SANBR: variants seen among roughly 807,000 people sequenced by gnomAD.
SANBR encodes SANT and BTB domain regulator of class switch recombination.
In SANBR, 77 loss-of-function variants were observed where a neutral mutation model predicts 101.8. That is an observed-to-expected ratio of 0.76 (90% CI 0.63 to 0.91). SANBR has a LOEUF of 0.91. SANBR is among the 40% of genes least tolerant of loss of function. SANBR has a pLI of 0.00. For synonymous variants in SANBR, 279 were observed against 274.7 expected (o/e 1.02, Z -0.15); for missense variants, 875 against 853.0 (o/e 1.03, Z -0.32).
intron 4 of SANBR, among the ~76,000 whole-genome samples, chr2:61,072,355 T>C (rs1194588023): frequency 6.6e-6 from 1 of 152,002 alleles, no homozygotes; most frequent in Non-Finnish European, 1.5e-5. Context: ...AAGGATCACT[T>C]GAGGCCAGGA....
chr2:61,118,908 C>T (rs935938663), intron 20 of SANBR, among the ~76,000 whole-genome samples: 9 of 152,052 alleles, frequency 5.9e-5, no homozygotes, highest in Non-Finnish European at 1.0e-4. Flanking sequence ...TGTTTATTCA[C>T]GTAAAAGTTT....
chr2:61,110,249 A>G (rs906952282), intron 16 of SANBR, among the ~76,000 whole-genome samples: 1 of 152,148 alleles, frequency 6.6e-6, no homozygotes. Context: ...CTACTTTTGA[A>G]AAAAGAATGT....
chr2:61,077,976 C>T (rs1302917442), intron 6 of SANBR, among the ~76,000 whole-genome samples: 1 of 152,218 alleles, frequency 6.6e-6, no homozygotes, highest in Non-Finnish European at 1.5e-5. Context: ...GTGAGAATTA[C>T]AGTTTTGGAA....
Position 61,070,377 on chromosome 2 carries a change from C to A in SANBR, c.27C>A (p.Asn9Lys). 1 of 1,590,682 alleles carries A rather than the reference C, an allele frequency of 6.3e-7. No homozygotes were observed. The highest frequency in any genetic ancestry group is 1.8e-5 in the Admixed American group (1 of 54,978). Residue 9 changes from asparagine (N) to lysine (K), a missense_variant, in exon 3 of 22, where the codon AAC becomes AAA. By Grantham distance (94) the Asn-to-Lys change is moderately conservative. Coordinates refer to ENST00000402291, the MANE Select transcript of SANBR (RefSeq NM_001129993.3). MSRGYSEN[N>K]NFLNNNNQMV... Reference sequence around the variant, plus strand: ...TGAGTCGTGGATATTCAGAAAACAACAATTTCCTGAACAATAATAACCAAA... The same window carrying A: ...TGAGTCGTGGATATTCAGAAAACAAAAATTTCCTGAACAATAATAACCAAA...
chr2:61,090,718 T>TTGTGTG (rs58195165), intron 10 of SANBR: 4,379 of 143,154 alleles, frequency 0.031, 100 homozygotes, highest in Non-Finnish European at 0.044. Context: ...GGCACAGGGT[T>TTGTGTG]TGTGTGTGTG....
rs144241975 is a variant in SANBR at position 61,083,281 on chromosome 2, A to G, written c.857A>G (p.Asp286Gly). 3.7e-6 allele frequency: 6 copies of G among 1,609,066 alleles called. No homozygotes were observed. The African/African-American group carries it at 8.0e-5, about 22-fold the overall frequency. Residue 286 changes from aspartate (D) to glycine (G), a missense_variant, in exon 8 of 22, where the codon GAT (aspartate) becomes GGT (glycine). Transcript: ENST00000402291. ...GATCTGTTCTCACACAATGAAGTTG[A>G]TGATTTAAAGGACAAAAAAGATAAA... Reference protein sequence around the residue: ...IADLFSHNEVDDLKDKKDKFK... With the variant: ...IADLFSHNEVGDLKDKKDKFK...
At chr2:61,074,170 T>A (rs2104851041) in intron 5 of SANBR, among the ~76,000 whole-genome samples, 1 of 152,348 alleles carries the variant, frequency 6.6e-6, no homozygotes, top group East Asian at 1.9e-4. Flanking sequence ...TCTTACTTTT[T>A]ATAGATTTTC....
intron 16 of SANBR, among the ~76,000 whole-genome samples, chr2:61,111,254 G>A (rs1451587964): frequency 2.0e-5 from 3 of 152,068 alleles, no homozygotes; most frequent in Non-Finnish European, 4.4e-5. Flanking sequence ...TTAGCCAGGC[G>A]TGGTGGCGGG....
intron 12 of SANBR, 46 bp downstream of exon 12, chr2:61,097,898 A>G (rs763747228): frequency 8.6e-6 from 13 of 1,504,360 alleles, no homozygotes; most frequent in South Asian, 1.2e-5. Flanking sequence ...TTTAAAGTAT[A>G]ACAGTAATAC....
Position 61,117,478 on chromosome 2 carries a change from A to G in SANBR, c.1877A>G (p.Gln626Arg). The G allele has an allele frequency of 6.2e-7, 1 of 1,613,900 alleles. No individual in the cohort carries two copies. Among genetic ancestry groups the G allele is most frequent in the Non-Finnish European group, 8.5e-7 (1 of 1,179,880 alleles). Residue 626 changes from glutamine to arginine, a missense_variant, in exon 19 of 22, where the codon CAG (glutamine) becomes CGG (arginine). Gln to Arg is a conservative substitution (Grantham distance 43, BLOSUM62 1). Coordinates refer to ENST00000402291, the MANE Select transcript of SANBR (RefSeq NM_001129993.3). Reference protein sequence around the residue: ...RDVSPFVMSMQKNKWDATRSL... With the variant: ...RDVSPFVMSMRKNKWDATRSL... Reference sequence around the variant, plus strand: ...AATTTTTTCAATAGTATGAGTATGCAGAAGAATAAGTGGGATGCCACAAGA... The same window carrying G: ...AATTTTTTCAATAGTATGAGTATGCGGAAGAATAAGTGGGATGCCACAAGA...
intron 8 of SANBR, among the ~76,000 whole-genome samples, chr2:61,084,165 C>A (rs770920215): frequency 6.6e-6 from 1 of 152,048 alleles, no homozygotes; most frequent in Non-Finnish European, 1.5e-5. Context: ...CGTTGCCCAG[C>A]CTGGTCTTGA....
rs35795015 is a variant in SANBR at position 61,102,365 on chromosome 2, CAAAAAAAAAA to C, written c.1366-1470_1366-1461del. ...CTAGCAACAGAGCAAGACTGTGTCT[CAAAAAAAAAA>C]AAAAAAAAAAAAAAAAATTGGAGAA... On this transcript the variant is annotated intron_variant, in intron 12 of 21. Transcript: ENST00000402291. 3.0e-4 allele frequency among the ~76,000 whole-genome samples: 18 copies of C among 59,434 alleles called. 1 individual carries two copies. Among genetic ancestry groups the C allele is most frequent in the Admixed American group, 2.9e-3 (13 of 4,444 alleles). 39.0% of individuals were successfully genotyped at this position (59,434 alleles called of 152,430 possible). A position where few individuals can be genotyped will look rare whatever the true frequency, so the allele number is the denominator to read the frequency against.
At chr2:61,137,548 G>A (rs928930648) in exon 22 of SANBR, 1 of 152,228 alleles carries the variant, frequency 6.6e-6, no homozygotes, top group African/African-American at 2.4e-5. Context: ...AGTTGGAGCA[G>A]GAGAGGAAGC....
chr2:61,093,776 C>T (rs757286297), intron 11 of SANBR, among the ~76,000 whole-genome samples: 5 of 152,040 alleles, frequency 3.3e-5, no homozygotes, highest in Non-Finnish European at 7.4e-5. Context: ...TTGATATGTG[C>T]CTTTGTTGTT....
intron 21 of SANBR, among the ~76,000 whole-genome samples, chr2:61,135,546 G>A (rs1251910771): frequency 1.3e-5 from 2 of 152,176 alleles, no homozygotes; most frequent in Non-Finnish European, 2.9e-5. Flanking sequence ...AAACTATACT[G>A]TTATGTGACA....
chr2:61,066,094 C>G (rs1001993540), intron 1 of SANBR, 67 bp downstream of exon 1: 2 of 152,252 alleles, frequency 1.3e-5, no homozygotes, highest in Non-Finnish European at 2.9e-5. Flanking sequence ...GGGGCGGTAC[C>G]GCTCACAGCC....
chr2:61,117,462 A>C lies in SANBR; in HGVS notation c.1866-5A>C. The C allele has an allele frequency of 6.2e-7, 1 of 1,613,736 alleles. No individual in the cohort carries two copies. The highest frequency in any genetic ancestry group is 8.5e-7 in the Non-Finnish European group (1 of 1,179,764). On this transcript the variant is annotated splice_polypyrimidine_tract_variant and splice_region_variant and intron_variant, in intron 18 of 21. Coordinates refer to ENST00000402291, the MANE Select transcript of SANBR (RefSeq NM_001129993.3). ...ATGCTGATTTTTGTTCAATTTTTTCAATAGTATGAGTATGCAGAAGAATAA... is the reference window on the plus strand; with the variant it reads ...ATGCTGATTTTTGTTCAATTTTTTCCATAGTATGAGTATGCAGAAGAATAA...
chr2:61,122,316 G>C lies in SANBR; in HGVS notation c.*154G>C, dbSNP rs115069423. On this transcript the variant is annotated 3_prime_UTR_variant, in exon 22 of 22. Coordinates refer to ENST00000402291, the MANE Select transcript of SANBR (RefSeq NM_001129993.3). ...ATCATAATTCTAAAAGAAATGCATA[G>C]TTAGGTTTTATGAAAATCTAATTGT... The C allele has an allele frequency of 0.028, 34,459 of 1,228,576 alleles. 573 individuals carry two copies. Among genetic ancestry groups the C allele is most frequent in the Admixed American group, 0.03 (861 of 28,720 alleles). 76.1% of individuals were successfully genotyped at this position (1,228,576 alleles called of 1,614,324 possible).
At chr2:61,116,098 T>C (rs1436238529) in intron 17 of SANBR, 28 bp downstream of exon 17, 1 of 1,463,886 alleles carries the variant, frequency 6.8e-7, no homozygotes, top group East Asian at 2.3e-5. Flanking sequence ...GTTGTTAAAG[T>C]TCATATGGAA....
Sources: allele counts gnomAD v4.1 joint callset (sites outside exome capture counted in the v4.1 genomes callset), GRCh38; gene constraint gnomAD v4.1.1; transcripts MANE v1.5; gene names NCBI Gene and HGNC (gene_info 2026-07-23, HGNC 2026-07-21).